The following SLC35A3 variants were observed in gnomAD, a reference collection of about 807,000 sequenced individuals.
The protein encoded by SLC35A3 is solute carrier family 35 member A3.
Under a neutral mutation model 39.0 loss-of-function variants are expected in SLC35A3, and 26 were observed. The observed-to-expected ratio is 0.67, with a 90% CI of 0.49 to 0.92. The LOEUF (loss-of-function observed/expected upper bound fraction) is 0.92. SLC35A3 is among the 40% of genes least tolerant of loss of function. The probability of loss-of-function intolerance (pLI) is 0.00; values close to 1 mark genes in which losing one functional copy is unlikely to be tolerated. For missense variants in SLC35A3, 299 were observed against 371.6 expected, an observed-to-expected ratio of 0.80 and a Z score of 1.61; for synonymous variants, 135 against 133.1, an observed-to-expected ratio of 1.01 and a Z score of -0.10.
At chr1:99,988,170 G>A (rs528102560) in intron 1 of SLC35A3, among the ~76,000 whole-genome samples, 15 of 152,152 alleles carry the variant, frequency 9.9e-5, no homozygotes, top group South Asian at 2.1e-4. Context: ...CTGTCCCTTT[G>A]CAGTCAACCC....
intron 1 of SLC35A3, among the ~76,000 whole-genome samples, chr1:99,983,337 A>T (rs1657564135): frequency 6.6e-6 from 1 of 152,014 alleles, no homozygotes; most frequent in South Asian, 2.1e-4. Flanking sequence ...TGAGGAGATG[A>T]TATCAACCTG....
intron 1 of SLC35A3, among the ~76,000 whole-genome samples, chr1:99,981,057 G>C (rs1004209658): frequency 2.6e-5 from 4 of 152,214 alleles, no homozygotes; most frequent in Non-Finnish European, 4.4e-5. Context: ...TCATTATTTA[G>C]CCTGTAATAA....
At chr1:99,979,252 C>T (rs1353133113) in intron 1 of SLC35A3, among the ~76,000 whole-genome samples, 1 of 152,136 alleles carries the variant, frequency 6.6e-6, no homozygotes, top group Non-Finnish European at 1.5e-5. Flanking sequence ...GGCCTCACTC[C>T]ATCTGGTTGC....
At chr1:99,974,042 A>G (rs115838102) in intron 1 of SLC35A3, among the ~76,000 whole-genome samples, 2,867 of 151,760 alleles carry the variant, frequency 0.019, 34 homozygotes, top group Middle Eastern at 0.058. Flanking sequence ...AATGAAGCTG[A>G]AACTTTGAAG....
intron 4 of SLC35A3, among the ~76,000 whole-genome samples, chr1:100,009,880 T>C (rs1336491980): frequency 6.6e-6 from 1 of 152,188 alleles, no homozygotes. Flanking sequence ...GAGGAGATAG[T>C]AAGTTTCTGG....
In SLC35A3 at chr1:100,023,097, G is replaced by A. The variant is rs1026337602; in HGVS notation, c.*621G>A. 3 of 152,180 alleles carry A rather than the reference G, an allele frequency of 2.0e-5. No homozygotes were observed. The East Asian group carries it at 5.8e-4, about 29-fold the overall frequency. The allele number at this position is 152,180 out of a possible 1,614,324, so 9.4% of individuals were successfully genotyped here. A position where few individuals can be genotyped will look rare whatever the true frequency, so the allele number is the denominator to read the frequency against. Reference sequence around the variant, plus strand: ...ATATCAAATCTAAATTTAATGTAGAGATACATACTATTTCTCCATATGAAT... The same window carrying A: ...ATATCAAATCTAAATTTAATGTAGAAATACATACTATTTCTCCATATGAAT... On this transcript the variant is annotated 3_prime_UTR_variant, in exon 8 of 8. Coordinates refer to ENST00000533028, the MANE Select transcript of SLC35A3 (RefSeq NM_012243.3).
intron 5 of SLC35A3, 133 bp from the exon 6 acceptor site, chr1:100,015,169 A>G (rs1570621579): frequency 1.0e-6 from 1 of 968,778 alleles, no homozygotes; most frequent in Non-Finnish European, 1.4e-6. Flanking sequence ...AAAAAAAAAA[A>G]AAAAAAAAGA....
chr1:100,018,982 G>A (rs535270415), intron 7 of SLC35A3, among the ~76,000 whole-genome samples: 2 of 152,122 alleles, frequency 1.3e-5, no homozygotes, highest in African/African-American at 4.8e-5. Flanking sequence ...TTTCAGCTTG[G>A]TATGGAAATG....
rs2101517433 is a variant in SLC35A3 at position 100,024,382 on chromosome 1, C to T, written c.*1906C>T. On this transcript the variant is annotated 3_prime_UTR_variant, in exon 8 of 8. Transcript: ENST00000533028. Reference sequence around the variant, plus strand: ...CCTGGCCAGCATGGTGAAATCCCATCTCTACTAATAATACAAAAATTAGCT... The same window carrying T: ...CCTGGCCAGCATGGTGAAATCCCATTTCTACTAATAATACAAAAATTAGCT... 6.6e-6 allele frequency: 1 copy of T among 151,802 alleles called. No homozygotes were observed. The highest frequency in any genetic ancestry group is 2.0e-4 in the East Asian group (1 of 5,002). The allele number at this position is 151,802 out of a possible 1,614,324, so 9.4% of individuals were successfully genotyped here.
At chr1:99,982,612 T>G (rs1205482739) in intron 1 of SLC35A3, among the ~76,000 whole-genome samples, 1 of 152,176 alleles carries the variant, frequency 6.6e-6, no homozygotes, top group Non-Finnish European at 1.5e-5. Flanking sequence ...TAACTATAGA[T>G]TTTAGTGTGT....
At chr1:99,975,955 G>C (rs1029791892) in intron 1 of SLC35A3, among the ~76,000 whole-genome samples, 1 of 152,144 alleles carries the variant, frequency 6.6e-6, no homozygotes, top group Non-Finnish European at 1.5e-5. Context: ...AGCTACTTGG[G>C]AGGCTGAGGC....
In SLC35A3 at chr1:100,025,156, T is replaced by C. The variant is rs1389429272; in HGVS notation, c.*2680T>C. 6.5e-6 allele frequency: 1 copy of C among 153,434 alleles called. No individual in the cohort carries two copies. Among genetic ancestry groups the C allele is most frequent in the African/African-American group, 2.4e-5 (1 of 41,530 alleles). 9.5% of individuals were successfully genotyped at this position (153,434 alleles called of 1,614,324 possible). ...TCACCACATTTTGAACATGGTAGTT[T>C]TAGACTGCAATAATATTTAGACTTA... On this transcript the variant is annotated 3_prime_UTR_variant, in exon 8 of 8. Coordinates refer to ENST00000533028, the MANE Select transcript of SLC35A3 (RefSeq NM_012243.3).
intron 1 of SLC35A3, among the ~76,000 whole-genome samples, chr1:99,986,711 C>T (rs899391599): frequency 3.3e-5 from 5 of 151,974 alleles, no homozygotes; most frequent in African/African-American, 9.7e-5. Context: ...CTCCTCAGAC[C>T]CCAATAGCTG....
chr1:100,021,051 C>A (rs1421336500), intron 7 of SLC35A3, among the ~76,000 whole-genome samples: 3 of 152,068 alleles, frequency 2.0e-5, no homozygotes, highest in African/African-American at 7.2e-5. Context: ...AACTTTAAAT[C>A]CAAAACTAGC....
At chr1:100,019,268 G>A (rs115233992) in intron 7 of SLC35A3, among the ~76,000 whole-genome samples, 1 of 151,884 alleles carries the variant, frequency 6.6e-6, no homozygotes, top group Non-Finnish European at 1.5e-5. Flanking sequence ...GGACAAAAGA[G>A]TAGTAGTTTG....
chr1:99,985,569 G>T (rs1657700188), intron 1 of SLC35A3, among the ~76,000 whole-genome samples: 1 of 152,102 alleles, frequency 6.6e-6, no homozygotes. Flanking sequence ...GGTTCCATAT[G>T]AATTTTAGGA....
chr1:99,991,528 C>T (rs956498192), intron 1 of SLC35A3, among the ~76,000 whole-genome samples: 6 of 152,150 alleles, frequency 3.9e-5, no homozygotes, highest in African/African-American at 1.2e-4. Flanking sequence ...TTTTCAAAAT[C>T]GTTTTGATGG....
At chr1:99,973,232 G>A (rs530027506) in intron 1 of SLC35A3, among the ~76,000 whole-genome samples, 22 of 152,286 alleles carry the variant, frequency 1.4e-4, no homozygotes, top group African/African-American at 4.8e-4. Context: ...GAAATTTAGA[G>A]TAAGTTATAG....
chr1:100,013,042 A>T lies in SLC35A3; in HGVS notation c.634+1509A>T, dbSNP rs191727602. ...AAGCACTTAGAATAATTCTTGTTAC[A>T]TGCTGATACATACATATTTGCTATT... On this transcript the variant is annotated intron_variant, in intron 5 of 7. Transcript: ENST00000533028. Among the ~76,000 whole-genome samples, 7 of 152,318 alleles carry T rather than the reference A, an allele frequency of 4.6e-5. No individual in the cohort carries two copies. In the East Asian group the frequency reaches 1.2e-3, roughly 25 times the overall value.
Sources: allele counts gnomAD v4.1 joint callset (sites outside exome capture counted in the v4.1 genomes callset), GRCh38; gene constraint gnomAD v4.1.1; transcripts MANE v1.5; gene names NCBI Gene and HGNC (gene_info 2026-07-23, HGNC 2026-07-21).